Variants in NT5DC1 observed in about 807,000 individuals in gnomAD.
NT5DC1 encodes the protein 5'-nucleotidase domain-containing protein 1.
A neutral mutation model predicts 59.4 loss-of-function variants in NT5DC1; 42 were observed. The ratio of observed to expected loss-of-function variants is 0.71; its 90% confidence interval spans 0.55 to 0.92. The LOEUF is 0.92. Ranked by LOEUF, NT5DC1 falls within the 40% of genes least tolerant of loss-of-function variation. NT5DC1 has a pLI of 0.00. For synonymous variants in NT5DC1, 172 were observed against 188.1 expected, an observed-to-expected ratio of 0.91 and a Z score of 0.70; for missense variants, 501 against 537.1, an observed-to-expected ratio of 0.93 and a Z score of 0.66.
intron 6 of NT5DC1, among the ~76,000 whole-genome samples, chr6:116,128,751 G>A (rs1211513013): frequency 6.6e-6 from 1 of 152,042 alleles, no homozygotes; most frequent in African/African-American, 2.4e-5. Flanking sequence ...TTCAGCCTTT[G>A]AGGTTCATTA....
At chr6:116,138,565 G>A (rs565297256) in intron 6 of NT5DC1, among the ~76,000 whole-genome samples, 5 of 152,038 alleles carry the variant, frequency 3.3e-5, no homozygotes, top group African/African-American at 7.3e-5. Flanking sequence ...CAAATAGTGC[G>A]AATGTCGATA....
chr6:116,121,963 TA>T, intron 6 of NT5DC1: 1 of 1,611,028 alleles, frequency 6.2e-7, no homozygotes. Context: ...CTGCTATACC[TA>T]AAAGACACAC....
chr6:116,139,821 T>A (rs186181532), intron 6 of NT5DC1, among the ~76,000 whole-genome samples: 1 of 152,188 alleles, frequency 6.6e-6, no homozygotes, highest in African/African-American at 2.4e-5. Context: ...GCCATTTGTA[T>A]AAAAGTTGTG....
chr6:116,231,204 A>G (rs1036608833), intron 8 of NT5DC1, among the ~76,000 whole-genome samples: 1 of 141,858 alleles, frequency 7.0e-6, no homozygotes. Context: ...CTTTAATAGT[A>G]TAATTGTCCT....
At chr6:116,243,050 G>C (rs111695898) in intron 11 of NT5DC1, among the ~76,000 whole-genome samples, 4 of 152,126 alleles carry the variant, frequency 2.6e-5, no homozygotes, top group Admixed American at 1.3e-4. Flanking sequence ...TAGCTCTCTG[G>C]TGACACTTCA....
chr6:116,123,442 C>A (rs1403758604), intron 6 of NT5DC1, among the ~76,000 whole-genome samples: 1 of 151,266 alleles, frequency 6.6e-6, no homozygotes, highest in Non-Finnish European at 1.5e-5. Flanking sequence ...CGACTACTTC[C>A]TTCTATTAAG....
intron 6 of NT5DC1, among the ~76,000 whole-genome samples, chr6:116,172,375 G>A (rs1780630337): frequency 7.3e-6 from 1 of 137,824 alleles, no homozygotes; most frequent in Non-Finnish European, 1.5e-5. Context: ...AGGCTGGAGT[G>A]CAGTGCCACA....
intron 6 of NT5DC1, among the ~76,000 whole-genome samples, chr6:116,131,722 T>C (rs962984935): frequency 2.6e-5 from 4 of 152,180 alleles, no homozygotes; most frequent in African/African-American, 4.8e-5. Context: ...GTGTGTTACA[T>C]AGGTAAACTT....
intron 6 of NT5DC1, among the ~76,000 whole-genome samples, chr6:116,169,167 G>A (rs1052394547): frequency 6.6e-6 from 1 of 152,024 alleles, no homozygotes; most frequent in African/African-American, 2.4e-5. Flanking sequence ...AGCTTTCTGG[G>A]TTTCTCTTTT....
At chr6:116,160,038 C>T (rs1460491198) in intron 6 of NT5DC1, among the ~76,000 whole-genome samples, 1 of 152,072 alleles carries the variant, frequency 6.6e-6, no homozygotes, top group African/African-American at 2.4e-5. Context: ...TAGGTCAATT[C>T]CATGACTTTG....
chr6:116,237,889 A>G (rs545667790), intron 9 of NT5DC1, among the ~76,000 whole-genome samples: 4 of 152,352 alleles, frequency 2.6e-5, no homozygotes, highest in Admixed American at 2.0e-4. Context: ...GTAAACATCT[A>G]TGTAAACATA....
chr6:116,114,286 G>A (rs576432441), intron 4 of NT5DC1, among the ~76,000 whole-genome samples: 3 of 152,038 alleles, frequency 2.0e-5, no homozygotes, highest in African/African-American at 7.2e-5. Flanking sequence ...AAATTTACAG[G>A]AAGAAGTAAG....
intron 3 of NT5DC1, among the ~76,000 whole-genome samples, chr6:116,109,057 C>T (rs1360691785): frequency 1.3e-5 from 2 of 152,184 alleles, no homozygotes; most frequent in Non-Finnish European, 1.5e-5. Flanking sequence ...AGTCCAGAAG[C>T]AGCTGCTGTC....
intron 6 of NT5DC1, among the ~76,000 whole-genome samples, chr6:116,158,997 T>C (rs1780270681): frequency 6.6e-6 from 1 of 152,192 alleles, no homozygotes; most frequent in Admixed American, 6.5e-5. Context: ...ATGCTTGCAT[T>C]AGAATAGCTC....
intron 6 of NT5DC1, among the ~76,000 whole-genome samples, chr6:116,203,437 T>C (rs1781385810): frequency 1.3e-5 from 2 of 151,950 alleles, no homozygotes; most frequent in Admixed American, 1.3e-4. Context: ...TAATTTTGTC[T>C]CATTTTTTAT....
At chr6:116,190,883 A>G (rs1227926970) in intron 6 of NT5DC1, among the ~76,000 whole-genome samples, 1 of 152,028 alleles carries the variant, frequency 6.6e-6, no homozygotes, top group Non-Finnish European at 1.5e-5. Flanking sequence ...TGGTGCTTCT[A>G]CATGGCTCTC....
intron 6 of NT5DC1, among the ~76,000 whole-genome samples, chr6:116,129,099 A>G (rs1349054122): frequency 1.3e-5 from 2 of 152,176 alleles, no homozygotes; most frequent in Non-Finnish European, 2.9e-5. Context: ...ATATTTTGGT[A>G]TATTTTTCCA....
chr6:116,238,977 A>G lies in NT5DC1; in HGVS notation c.1106A>G (p.Asn369Ser), dbSNP rs1782176097. The G allele has an allele frequency of 6.2e-7, 1 of 1,604,512 alleles. No homozygotes were observed. ...KYEGPKAKPL[N>S]TSSKKWGSFF... Reference sequence around the variant, plus strand: ...CAGGGACCAAAAGCAAAACCTTTAAATACTTCATCTAAAAAATGGGGCTCT... The same window carrying G: ...CAGGGACCAAAAGCAAAACCTTTAAGTACTTCATCTAAAAAATGGGGCTCT... The change falls in exon 11 of 12, where the codon AAT becomes AGT. Residue 369 changes from asparagine (N) to serine (S), a missense_variant. Physicochemically the swap from Asn to Ser is conservative, Grantham distance 46 (BLOSUM62 1). Coordinates refer to ENST00000319550, the MANE Select transcript of NT5DC1 (RefSeq NM_152729.3).
chr6:116,110,141 G>T (rs943980130), intron 3 of NT5DC1, among the ~76,000 whole-genome samples: 1 of 152,168 alleles, frequency 6.6e-6, no homozygotes, highest in African/African-American at 2.4e-5. Flanking sequence ...TTTCAACCCA[G>T]GTTGACCACA....
Sources: gnomAD v4.1 joint callset for allele counts (sites outside exome capture counted in the v4.1 genomes callset) on GRCh38, gnomAD v4.1.1 for gene constraint, MANE v1.5 for transcripts, NCBI Gene and HGNC (gene_info 2026-07-23, HGNC 2026-07-21) for gene names.